CLEC5A: variants seen among roughly 807,000 people sequenced by gnomAD.
CLEC5A encodes C-type lectin domain containing 5A, also known as C-type lectin domain family 5 member A.
Under a neutral mutation model 24.4 loss-of-function variants are expected in CLEC5A, and 15 were observed. The observed-to-expected ratio is 0.62, with a 90% CI of 0.41 to 0.95. CLEC5A has a LOEUF of 0.95. Ranked by LOEUF, CLEC5A falls within the 40% of genes least tolerant of loss-of-function variation. The probability of loss-of-function intolerance (pLI) is 0.00; values close to 1 mark genes in which losing one functional copy is unlikely to be tolerated. For missense variants in CLEC5A, 211 were observed against 224.0 expected (o/e 0.94, Z 0.37); for synonymous variants, 71 against 72.6 (o/e 0.98, Z 0.11).
At position 141,946,310 on chromosome 7, in the gene CLEC5A, G is replaced by A. The variant is rs1554442143; in HGVS notation, c.-18C>T. On this transcript the variant is annotated splice_region_variant and 5_prime_UTR_variant, in exon 2 of 7. Transcript: ENST00000546910. ...CAGTTCATGATGAAGGAGCTGCAGG[G>A]GCCTGTGAAGATTAGAGCACAGCAG... 6.4e-7 allele frequency: 1 copy of A among 1,557,878 alleles called. No homozygotes were observed. The highest frequency in any genetic ancestry group is 1.9e-5 in the Admixed American group (1 of 51,300).
At chr7:141,944,297 C>T (rs184611771) in intron 3 of CLEC5A, among the ~76,000 whole-genome samples, 12 of 152,240 alleles carry the variant, frequency 7.9e-5, no homozygotes, top group Non-Finnish European at 1.8e-4. Context: ...GTATATAAAC[C>T]TTTGACAGTG....
chr7:141,933,578 ATATATATATATATATATATATAT>A (rs1802527488), intron 5 of CLEC5A, among the ~76,000 whole-genome samples: 1 of 2,536 alleles, frequency 3.9e-4, no homozygotes, highest in African/African-American at 6.6e-4. Flanking sequence ...GAGCAGGCAT[ATATATATATATATATATATATAT>A]ATATATATAT....
chr7:141,944,383 G>A (rs1177425425), intron 3 of CLEC5A, among the ~76,000 whole-genome samples: 3 of 152,194 alleles, frequency 2.0e-5, no homozygotes, highest in South Asian at 4.1e-4. Flanking sequence ...TCTACTTCTG[G>A]TGTCCCAGAT....
intron 2 of CLEC5A, 142 bp from the exon 3 acceptor site, chr7:141,945,542 A>G (rs1234233293): frequency 2.9e-6 from 2 of 681,604 alleles, no homozygotes; most frequent in Non-Finnish European, 5.3e-6. Context: ...GAAGATGCAT[A>G]AATGTGGTTT....
chr7:141,945,922 A>G lies in CLEC5A; in HGVS notation c.79+292T>C, dbSNP rs117213467. Reference sequence around the variant, plus strand: ...TTGCCAACAATAACAAGCGCTGCCAAGTACTTCAGCTGAGATCACCCAAAT... The same window carrying G: ...TTGCCAACAATAACAAGCGCTGCCAGGTACTTCAGCTGAGATCACCCAAAT... On this transcript the variant is annotated intron_variant, in intron 2 of 6. Transcript: ENST00000546910. The G allele has an allele frequency of 4.6e-3, 1,805 of 394,500 alleles. 6 individuals are homozygous for G. The highest frequency in any genetic ancestry group is 5.8e-3 in the Non-Finnish European group (1,271 of 219,100). 24.4% of individuals were successfully genotyped at this position (394,500 alleles called of 1,614,324 possible).
In CLEC5A at chr7:141,931,779, T is replaced by C. The variant is rs1448369640; in HGVS notation, c.393A>G (p.Leu131=). The change falls in exon 6 of 7, where the codon TTA becomes TTG. Residue 131 remains leucine (L), a synonymous_variant. Transcript: ENST00000546910. ...ITDAEKYFIG[L]IYHREEKRWR... is the part of the protein sequence containing the mutation. ...ACCTTTTCTCTTCACGATGGTAAAT[T>C]AAGCCAATAAAATACTTCTCAGCAT... 1 of 1,609,332 alleles carries C rather than the reference T, an allele frequency of 6.2e-7. No homozygotes were observed. Among genetic ancestry groups the C allele is most frequent in the African/African-American group, 1.3e-5 (1 of 74,890 alleles).
intron 6 of CLEC5A, among the ~76,000 whole-genome samples, chr7:141,930,949 C>G (rs577450178): frequency 6.6e-6 from 1 of 152,316 alleles, no homozygotes; most frequent in East Asian, 1.9e-4. Flanking sequence ...TTCCTCCTCT[C>G]TGTAGGGAAG....
chr7:141,944,023 A>C (rs1192693057), intron 3 of CLEC5A, 59 bp from the exon 4 acceptor site: 1 of 994,234 alleles, frequency 1.0e-6, no homozygotes, highest in Non-Finnish European at 1.6e-6. Context: ...AGAAACAGAA[A>C]CATCAGAGTA....
At position 141,927,705 on chromosome 7, in the gene CLEC5A, A is replaced by C. The variant is rs1169700986; in HGVS notation, c.*2399T>G. 1 of 152,132 alleles carries C rather than the reference A, an allele frequency of 6.6e-6. No individual in the cohort carries two copies. The highest frequency in any genetic ancestry group is 1.5e-5 in the Non-Finnish European group (1 of 68,024). The allele number at this position is 152,132 out of a possible 1,614,324, so 9.4% of individuals were successfully genotyped here. Reference sequence around the variant, plus strand: ...GGCTTGGCCACAACATTTTTAAGGCACCCTTCTCTGACTTGCACAAATTTT... The same window carrying C: ...GGCTTGGCCACAACATTTTTAAGGCCCCCTTCTCTGACTTGCACAAATTTT... On this transcript the variant is annotated 3_prime_UTR_variant, in exon 7 of 7. Coordinates refer to ENST00000546910, the MANE Select transcript of CLEC5A (RefSeq NM_013252.3).
At chr7:141,942,793 A>T (rs1348656215) in intron 4 of CLEC5A, among the ~76,000 whole-genome samples, 1 of 152,188 alleles carries the variant, frequency 6.6e-6, no homozygotes, top group Non-Finnish European at 1.5e-5. Flanking sequence ...TCTCCAAAGA[A>T]GTTGTACAAA....
intron 6 of CLEC5A, chr7:141,931,488 A>C: frequency 1.9e-6 from 1 of 514,282 alleles, no homozygotes. Flanking sequence ...GATATGAATA[A>C]AATAATTTGC....
chr7:141,944,858 C>T (rs1802906295), intron 3 of CLEC5A, among the ~76,000 whole-genome samples: 1 of 152,164 alleles, frequency 6.6e-6, no homozygotes, highest in Admixed American at 6.6e-5. Context: ...GGACTCAATA[C>T]ATATTTTATG....
intron 5 of CLEC5A, among the ~76,000 whole-genome samples, chr7:141,932,643 G>A (rs1802500365): frequency 8.5e-5 from 13 of 152,248 alleles, no homozygotes. Flanking sequence ...TCTCTCGAGT[G>A]TCTATTATAT....
chr7:141,945,482 G>GATA, intron 2 of CLEC5A, 82 bp from the exon 3 acceptor site: 1 of 932,878 alleles, frequency 1.1e-6, no homozygotes, highest in Non-Finnish European at 1.8e-6. Context: ...CACAGGGGCT[G>GATA]CTAGGGTACT....
chr7:141,933,159 G>A (rs182282694), intron 5 of CLEC5A, among the ~76,000 whole-genome samples: 1 of 152,298 alleles, frequency 6.6e-6, no homozygotes, highest in East Asian at 1.9e-4. Flanking sequence ...GGTATCTCAG[G>A]TGTAGTACTA....
At chr7:141,930,639 A>G (rs1802431843) in intron 6 of CLEC5A, among the ~76,000 whole-genome samples, 1 of 152,188 alleles carries the variant, frequency 6.6e-6, no homozygotes, top group South Asian at 2.1e-4. Context: ...TTTCCAGACC[A>G]TAGTGGCCTC....
In CLEC5A at chr7:141,929,138, C is replaced by T. The variant is rs868962383; in HGVS notation, c.*966G>A. The T allele has an allele frequency of 1.3e-5, 2 of 152,240 alleles. No individual in the cohort carries two copies. Among genetic ancestry groups the T allele is most frequent in the African/African-American group, 2.4e-5 (1 of 41,440 alleles). The allele number at this position is 152,240 out of a possible 1,614,324, so 9.4% of individuals were successfully genotyped here. A position where few individuals can be genotyped will look rare whatever the true frequency, so the allele number is the denominator to read the frequency against. On this transcript the variant is annotated 3_prime_UTR_variant, in exon 7 of 7. Transcript: ENST00000546910. ...GCAGCCCTTCTCTTTTCCTACTCTTCGTCGGCTGGACCAGTTCTAGATCAA... is the reference window on the plus strand; with the variant it reads ...GCAGCCCTTCTCTTTTCCTACTCTTTGTCGGCTGGACCAGTTCTAGATCAA...
At chr7:141,931,916 T>C in intron 5 of CLEC5A, 90 bp from the exon 6 acceptor site, 2 of 628,674 alleles carry the variant, frequency 3.2e-6, no homozygotes, top group Middle Eastern at 4.3e-4. Context: ...ATCCTGGGAA[T>C]AAGGAAGGCC....
intron 4 of CLEC5A, 74 bp downstream of exon 4, chr7:141,943,822 A>G (rs1802870028): frequency 9.7e-7 from 1 of 1,035,924 alleles, no homozygotes; most frequent in East Asian, 2.4e-5. Flanking sequence ...AATAAAGACA[A>G]TGGGAGAAAT....
Sources: gnomAD v4.1 joint callset for allele counts (sites outside exome capture counted in the v4.1 genomes callset) on GRCh38, gnomAD v4.1.1 for gene constraint, MANE v1.5 for transcripts, NCBI Gene and HGNC (gene_info 2026-07-23, HGNC 2026-07-21) for gene names.